Variants in TTK observed in about 807,000 individuals in gnomAD.
TTK encodes the protein dual specificity protein kinase TTK.
Under a neutral mutation model 117.3 loss-of-function variants are expected in TTK, and 59 were observed. The observed-to-expected ratio is 0.50, with a 90% CI of 0.41 to 0.62. The LOEUF (loss-of-function observed/expected upper bound fraction) is 0.62. Ranked by LOEUF, TTK falls within the 20% of genes least tolerant of loss-of-function variation. TTK has a pLI of 0.00. For missense variants in TTK, 921 were observed against 989.4 expected, an observed-to-expected ratio of 0.93 and a Z score of 0.93; for synonymous variants, 302 against 325.0, an observed-to-expected ratio of 0.93 and a Z score of 0.76.
intron 13 of TTK, among the ~76,000 whole-genome samples, chr6:80,030,137 T>C (rs561492371): frequency 2.8e-4 from 42 of 152,314 alleles, no homozygotes; most frequent in African/African-American, 9.4e-4. Flanking sequence ...ATTCTACCAT[T>C]TGGAACCTAA....
At chr6:80,019,008 T>C (rs564909298) in intron 10 of TTK, among the ~76,000 whole-genome samples, 2 of 152,368 alleles carry the variant, frequency 1.3e-5, no homozygotes, top group African/African-American at 4.8e-5. Flanking sequence ...TTTCAAATGT[T>C]AATCAAACTT....
At chr6:80,016,579 T>C (rs774993753) in intron 10 of TTK, among the ~76,000 whole-genome samples, 35 of 152,308 alleles carry the variant, frequency 2.3e-4, no homozygotes, top group Middle Eastern at 3.4e-3. Context: ...TCTTTCTTTT[T>C]CTCATTGATT....
At chr6:80,036,957 T>A (rs1366620921) in intron 17 of TTK, among the ~76,000 whole-genome samples, 1 of 152,122 alleles carries the variant, frequency 6.6e-6, no homozygotes, top group Non-Finnish European at 1.5e-5. Context: ...TCACTGTCTA[T>A]GAGGTAAGAT....
At chr6:80,018,182 C>CAA (rs34640169) in intron 10 of TTK, among the ~76,000 whole-genome samples, 1 of 135,990 alleles carries the variant, frequency 7.4e-6, no homozygotes. Flanking sequence ...GACCTTGTCT[C>CAA]AAAAAAAAAA....
chr6:80,029,791 G>T (rs1224553914), intron 13 of TTK, among the ~76,000 whole-genome samples: 1 of 152,224 alleles, frequency 6.6e-6, no homozygotes, highest in Non-Finnish European at 1.5e-5. Flanking sequence ...GCATACTAAG[G>T]GGGATGCGGG....
chr6:80,037,030 A>C (rs561861774), intron 17 of TTK, among the ~76,000 whole-genome samples: 3 of 152,252 alleles, frequency 2.0e-5, no homozygotes, highest in East Asian at 3.9e-4. Context: ...AAAAATTCTT[A>C]AGTGGGCCTT....
At chr6:80,013,448 A>C (rs762308275) in intron 9 of TTK, 82 bp downstream of exon 9, 66 of 1,154,460 alleles carry the variant, frequency 5.7e-5, no homozygotes, top group Non-Finnish European at 8.2e-5. Context: ...TTCTGGGGAA[A>C]GGGTTTATAA....
At chr6:80,014,011 A>G (rs1481885115) in intron 9 of TTK, among the ~76,000 whole-genome samples, 3 of 152,166 alleles carry the variant, frequency 2.0e-5, no homozygotes, top group Non-Finnish European at 4.4e-5. Context: ...GTCCTAGAGA[A>G]CAGTGCATAA....
At chr6:80,022,629 A>G (rs1012960382) in intron 11 of TTK, among the ~76,000 whole-genome samples, 157 bp downstream of exon 11, 2 of 152,266 alleles carry the variant, frequency 1.3e-5, no homozygotes, top group African/African-American at 4.8e-5. Flanking sequence ...AGTGGTGATC[A>G]GTAGCAGTCA....
intron 10 of TTK, among the ~76,000 whole-genome samples, chr6:80,016,523 A>G (rs957474051): frequency 6.6e-6 from 1 of 151,124 alleles, no homozygotes; most frequent in African/African-American, 2.4e-5. Flanking sequence ...ACATACTGCA[A>G]CTCTGTCACC....
chr6:80,041,506 T>C (rs1392889614), intron 21 of TTK, among the ~76,000 whole-genome samples: 5 of 151,684 alleles, frequency 3.3e-5, no homozygotes, highest in Non-Finnish European at 7.4e-5. Flanking sequence ...TTGTAATTGC[T>C]CTGTATTTTG....
intron 14 of TTK, among the ~76,000 whole-genome samples, chr6:80,034,058 T>C (rs1767826942): frequency 6.6e-6 from 1 of 152,144 alleles, no homozygotes; most frequent in Non-Finnish European, 1.5e-5. Context: ...GATAAAGCAA[T>C]GGCTGGCCCA....
chr6:80,026,272 A>G (rs1767601299), intron 11 of TTK, 106 bp from the exon 12 acceptor site: 2 of 1,180,304 alleles, frequency 1.7e-6, no homozygotes, highest in Admixed American at 2.6e-5. Flanking sequence ...ATGCCTTTGT[A>G]TATCATATGT....
chr6:80,006,460 A>G lies in TTK; in HGVS notation c.139+478A>G, dbSNP rs947520367. Among the ~76,000 whole-genome samples the G allele has an allele frequency of 3.9e-5, 6 of 152,296 alleles. 1 individual carries two copies. The South Asian group carries it at 1.0e-3, about 26-fold the overall frequency. ...AAAATGATAGTTTTAGTGTTAAGCA[A>G]AATCTTAATGGAGTATAATTGTGCT... On this transcript the variant is annotated intron_variant, in intron 2 of 21. Coordinates refer to ENST00000369798, the MANE Select transcript of TTK (RefSeq NM_003318.5).
chr6:80,033,448 G>T (rs1401822103), intron 14 of TTK, among the ~76,000 whole-genome samples: 1 of 151,974 alleles, frequency 6.6e-6, no homozygotes, highest in Admixed American at 6.6e-5. Flanking sequence ...TACTTATTTG[G>T]TTTGTTGTTT....
Position 80,026,442 on chromosome 6 carries a change from C to T in TTK, c.1322C>T (p.Thr441Ile), listed in dbSNP as rs761696133. 6 of 1,613,874 alleles carry T rather than the reference C, an allele frequency of 3.7e-6. No homozygotes were observed. The South Asian group carries it at 5.5e-5, about 15-fold the overall frequency. ...SVSKQSPPIS[T>I]SKWFDPKSIC... ...TCAAAACAGTCACCACCAATATCAA[C>T]ATCTAAATGGTTTGACCCAAAATCT... is the stretch of plus-strand genomic sequence containing the variant. Residue 441 changes from threonine (T) to isoleucine (I), a missense_variant, in exon 12 of 22, where the codon ACA (threonine) becomes ATA (isoleucine). By Grantham distance (89) the Thr-to-Ile change is moderately conservative (BLOSUM62 -1). Coordinates refer to ENST00000369798, the MANE Select transcript of TTK (RefSeq NM_003318.5).
At chr6:80,005,784 A>T (rs944792354) in intron 1 of TTK, 58 bp from the exon 2 acceptor site, 1 of 1,576,998 alleles carries the variant, frequency 6.3e-7, no homozygotes, top group African/African-American at 1.4e-5. Context: ...AAGCTAGTGC[A>T]TTTTTTTCTT....
At chr6:80,007,777 T>G in intron 2 of TTK, 32 bp from the exon 3 acceptor site, 1 of 1,557,744 alleles carries the variant, frequency 6.4e-7, no homozygotes, top group Non-Finnish European at 8.7e-7. Flanking sequence ...TTTATGTCTT[T>G]TCTTGTGATA....
chr6:80,022,353 C>G lies in TTK; in HGVS notation c.1138C>G (p.Pro380Ala), dbSNP rs1162243458. Residue 380 changes from proline to alanine, a missense_variant, in exon 11 of 22, where the codon CCA becomes GCA. Transcript: ENST00000369798. ...TAAAGAGTATCAAGAACCAGAGGTT[C>G]CAGAGAGTAACCAGAAACAGTGGCA... is the stretch of plus-strand genomic sequence containing the variant. The part of the protein sequence containing the change: ...ETKEYQEPEV[P>A]ESNQKQWQSK... 1.2e-6 allele frequency: 2 copies of G among 1,613,242 alleles called. No homozygotes were observed. The highest frequency in any genetic ancestry group is 1.7e-6 in the Non-Finnish European group (2 of 1,179,852).
Sources: allele counts gnomAD v4.1 joint callset (sites outside exome capture counted in the v4.1 genomes callset), GRCh38; gene constraint gnomAD v4.1.1; transcripts MANE v1.5; gene names NCBI Gene and HGNC (gene_info 2026-07-23, HGNC 2026-07-21).